Variants in LEMD3 observed in about 807,000 individuals in gnomAD.
The protein encoded by LEMD3 is inner nuclear membrane protein Man1.
Under a neutral mutation model 95.2 loss-of-function variants are expected in LEMD3, and 33 were observed. That is an observed-to-expected ratio of 0.35 (90% confidence interval 0.26 to 0.46). The LOEUF (loss-of-function observed/expected upper bound fraction) is 0.46. Ranked by LOEUF, LEMD3 falls within the 20% of genes least tolerant of loss-of-function variation. The probability of loss-of-function intolerance (pLI) is 1.00; values close to 1 mark genes in which losing one functional copy is unlikely to be tolerated. For synonymous variants in LEMD3, 525 were observed against 474.6 expected, an observed-to-expected ratio of 1.11 and a Z score of -1.38; for missense variants, 1,210 against 1,192.8, an observed-to-expected ratio of 1.01 and a Z score of -0.21.
chr12:65,246,568 A>C lies in LEMD3; in HGVS notation c.*243A>C, dbSNP rs1023946375. ...TAAGCCAATACATTTAAAGTTTTGC[A>C]TGAGGAACACTGACTTTATTAAGCA... On this transcript the variant is annotated 3_prime_UTR_variant, in exon 13 of 13. Transcript: ENST00000308330. 1 of 479,290 alleles carries C rather than the reference A, an allele frequency of 2.1e-6. No individual in the cohort carries two copies. Among genetic ancestry groups the C allele is most frequent in the African/African-American group, 2.0e-5 (1 of 51,080 alleles). 29.7% of individuals were successfully genotyped at this position (479,290 alleles called of 1,614,324 possible).
intron 1 of LEMD3, among the ~76,000 whole-genome samples, chr12:65,195,773 G>C (rs537360596): frequency 9.9e-5 from 15 of 152,280 alleles, no homozygotes; most frequent in African/African-American, 3.6e-4. Flanking sequence ...TCCATTCTAA[G>C]AATTCCTAGT....
At position 65,218,319 on chromosome 12, in the gene LEMD3, G is replaced by A. The variant is rs115216209; in HGVS notation, c.1628-233G>A. ...GGACTGAAATGCATTTAAAAGTTGT[G>A]GTTAATGTAATGGTAGTTGTTTGTT... On this transcript the variant is annotated intron_variant, in intron 3 of 12. Transcript: ENST00000308330. 0.023 allele frequency among the ~76,000 whole-genome samples: 3,568 copies of A among 151,952 alleles called. 163 individuals are homozygous for A. Among genetic ancestry groups the A allele is most frequent in the African/African-American group, 0.082 (3,410 of 41,442 alleles).
At chr12:65,194,740 T>A (rs1869356461) in intron 1 of LEMD3, among the ~76,000 whole-genome samples, 1 of 122,202 alleles carries the variant, frequency 8.2e-6, no homozygotes, top group African/African-American at 2.6e-5. Flanking sequence ...TTCCTAATTT[T>A]GTGGTCTTTC....
chr12:65,210,575 A>G (rs987041309), intron 1 of LEMD3, among the ~76,000 whole-genome samples: 1 of 152,164 alleles, frequency 6.6e-6, no homozygotes, highest in Non-Finnish European at 1.5e-5. Context: ...ATTGTTATCC[A>G]TACTCCTTTA....
chr12:65,219,417 CTTG>C (rs1386577977), intron 4 of LEMD3, among the ~76,000 whole-genome samples: 3 of 152,106 alleles, frequency 2.0e-5, no homozygotes, highest in Admixed American at 6.5e-5. Flanking sequence ...TACAGGAAAG[CTTG>C]TTGTCGGTCC....
At chr12:65,186,959 A>G (rs1205378649) in intron 1 of LEMD3, among the ~76,000 whole-genome samples, 1 of 152,086 alleles carries the variant, frequency 6.6e-6, no homozygotes, top group Non-Finnish European at 1.5e-5. Context: ...TAAGTTACTT[A>G]TGCTTTAATT....
chr12:65,243,846 C>CA (rs955911840), intron 10 of LEMD3, among the ~76,000 whole-genome samples: 12 of 152,156 alleles, frequency 7.9e-5, no homozygotes, highest in Non-Finnish European at 1.5e-4. Context: ...CTGCTGCTTA[C>CA]AAATTTCAAA....
intron 4 of LEMD3, among the ~76,000 whole-genome samples, chr12:65,234,319 C>T (rs1440901172): frequency 2.0e-5 from 3 of 152,278 alleles, no homozygotes; most frequent in Admixed American, 2.0e-4. Flanking sequence ...CTGACCAACC[C>T]CTGCCGTGCC....
rs560823801 is a variant in LEMD3 at position 65,229,557 on chromosome 12, C to T, written c.1696-8945C>T. 1.0e-3 allele frequency among the ~76,000 whole-genome samples: 157 copies of T among 152,180 alleles called. 1 individual carries two copies. The highest frequency in any genetic ancestry group is 3.7e-3 in the African/African-American group (155 of 41,542). On this transcript the variant is annotated intron_variant, in intron 4 of 12. Transcript: ENST00000308330. ...TCGCCAGCATTTGTTATTTTTTGTCCTTTTGATACTAGCAATTCTAACTGG... is the reference window on the plus strand; with the variant it reads ...TCGCCAGCATTTGTTATTTTTTGTCTTTTTGATACTAGCAATTCTAACTGG...
intron 4 of LEMD3, among the ~76,000 whole-genome samples, chr12:65,227,106 C>T (rs936054343): frequency 2.6e-5 from 4 of 151,756 alleles, no homozygotes; most frequent in Admixed American, 1.3e-4. Context: ...ATGGGATGGA[C>T]GAATGTCAGG....
At chr12:65,223,450 C>A (rs933628293) in intron 4 of LEMD3, among the ~76,000 whole-genome samples, 3 of 151,942 alleles carry the variant, frequency 2.0e-5, no homozygotes, top group African/African-American at 7.2e-5. Context: ...GCTACAGACA[C>A]ATGCCACCAC....
chr12:65,211,101 T>C lies in LEMD3; in HGVS notation c.1560+138T>C, dbSNP rs557743435. 157 of 675,542 alleles carry C rather than the reference T, an allele frequency of 2.3e-4. No individual in the cohort carries two copies. In the African/African-American group the frequency reaches 2.4e-3, roughly 10 times the overall value. 41.8% of individuals were successfully genotyped at this position (675,542 alleles called of 1,614,324 possible). A position where few individuals can be genotyped will look rare whatever the true frequency, so the allele number is the denominator to read the frequency against. Reference sequence around the variant, plus strand: ...AATAGGTTTTATCAACTTAAAAAAATAGTAATTTTAAGGTTATTTTAGTCT... The same window carrying C: ...AATAGGTTTTATCAACTTAAAAAAACAGTAATTTTAAGGTTATTTTAGTCT... On this transcript the variant is annotated intron_variant, in intron 2 of 12. Transcript: ENST00000308330.
chr12:65,202,446 C>T (rs908949503), intron 1 of LEMD3, among the ~76,000 whole-genome samples: 2 of 152,026 alleles, frequency 1.3e-5, no homozygotes, highest in African/African-American at 4.8e-5. Context: ...CAATAAATCC[C>T]ACTTGGTTGT....
At chr12:65,214,726 T>C (rs1479403408) in intron 2 of LEMD3, among the ~76,000 whole-genome samples, 1 of 152,210 alleles carries the variant, frequency 6.6e-6, no homozygotes, top group Non-Finnish European at 1.5e-5. Flanking sequence ...AAATCTGTTT[T>C]GTTGGAAACT....
intron 4 of LEMD3, among the ~76,000 whole-genome samples, chr12:65,232,248 ATATC>A (rs1870651827): frequency 6.6e-6 from 1 of 152,160 alleles, no homozygotes; most frequent in South Asian, 2.1e-4. Context: ...AAGGATTATA[ATATC>A]TATATGGAGG....
chr12:65,208,669 G>A (rs1223514898), intron 1 of LEMD3, among the ~76,000 whole-genome samples: 2 of 152,094 alleles, frequency 1.3e-5, no homozygotes, highest in South Asian at 2.1e-4. Flanking sequence ...ATTTGTTAGA[G>A]TTGCTGTTTT....
chr12:65,246,332 T>C lies in LEMD3; in HGVS notation c.*7T>C, dbSNP rs1288156941. 2.5e-6 allele frequency: 4 copies of C among 1,606,190 alleles called. No homozygotes were observed. Among genetic ancestry groups the C allele is most frequent in the Non-Finnish European group, 3.4e-6 (4 of 1,173,696 alleles). On this transcript the variant is annotated 3_prime_UTR_variant, in exon 13 of 13. Transcript: ENST00000308330. Reference sequence around the variant, plus strand: ...TTCTCAAGGAAGTTCCTGAAAAGATTTTCTTCCATTTCTAAGACTGTTATT... The same window carrying C: ...TTCTCAAGGAAGTTCCTGAAAAGATCTTCTTCCATTTCTAAGACTGTTATT...
At chr12:65,189,395 A>T (rs1284081000) in intron 1 of LEMD3, among the ~76,000 whole-genome samples, 1 of 152,190 alleles carries the variant, frequency 6.6e-6, no homozygotes, top group Non-Finnish European at 1.5e-5. Context: ...CAGTTGGTCA[A>T]GGTTTCTAGA....
rs546764921 is a variant in LEMD3 at position 65,234,809 on chromosome 12, T to C, written c.1696-3693T>C. Among the ~76,000 whole-genome samples, 18 of 152,296 alleles carry C rather than the reference T, an allele frequency of 1.2e-4. No homozygotes were observed. The South Asian group carries it at 3.1e-3, about 26-fold the overall frequency. On this transcript the variant is annotated intron_variant, in intron 4 of 12. Transcript: ENST00000308330. ...TAGGTGTCTTTGTTAATTTGAACCA[T>C]TGTGTACATTTTTTAAGGATATTTG...
Sources: allele counts gnomAD v4.1 joint callset (sites outside exome capture counted in the v4.1 genomes callset), GRCh38; gene constraint gnomAD v4.1.1; transcripts MANE v1.5; gene names NCBI Gene and HGNC (gene_info 2026-07-23, HGNC 2026-07-21).